ERO1B: variants seen among roughly 807,000 people sequenced by gnomAD.
ERO1B encodes ERO1-like protein beta.
A neutral mutation model predicts 75.3 loss-of-function variants in ERO1B; 49 were observed. The observed-to-expected ratio is 0.65, with a 90% CI of 0.52 to 0.83. The LOEUF is 0.83. Among genes scored for constraint, ERO1B ranks in the 40% least tolerant of loss-of-function variants. The pLI, the probability that ERO1B is intolerant of heterozygous loss-of-function variation, is 0.00. For synonymous variants in ERO1B, 191 were observed against 192.9 expected (o/e 0.99, Z 0.08); for missense variants, 512 against 560.1 (o/e 0.91, Z 0.87).
intron 2 of ERO1B, among the ~76,000 whole-genome samples, chr1:236,263,525 A>G (rs1202874133): frequency 6.6e-6 from 1 of 152,136 alleles, no homozygotes; most frequent in Non-Finnish European, 1.5e-5. Context: ...CTTGGATTAC[A>G]GGTGTGATCC....
chr1:236,220,614 C>A lies in ERO1B; in HGVS notation c.1343+218G>T, dbSNP rs150956082. 163 of 337,092 alleles carry A rather than the reference C, an allele frequency of 4.8e-4. 1 individual carries two copies. Among genetic ancestry groups the A allele is most frequent in the African/African-American group, 3.2e-3 (152 of 47,276 alleles). The allele number at this position is 337,092 out of a possible 1,614,324, so 20.9% of individuals were successfully genotyped here. ...TATCTCCCTTACAAAATTAAGGCAGCAAACTGAAAAACACTGGCAATTGGA... is the reference window on the plus strand; with the variant it reads ...TATCTCCCTTACAAAATTAAGGCAGAAAACTGAAAAACACTGGCAATTGGA... On this transcript the variant is annotated intron_variant, in intron 15 of 15. Transcript: ENST00000354619.
In ERO1B at chr1:236,281,778, G is replaced by T. The variant is rs1418189898; in HGVS notation, c.6C>A (p.Ser2Arg). 6.6e-7 allele frequency: 1 copy of T among 1,507,716 alleles called. No individual in the cohort carries two copies. Among genetic ancestry groups the T allele is most frequent in the Non-Finnish European group, 8.8e-7 (1 of 1,130,484 alleles). The allele number at this position is 1,507,716 out of a possible 1,614,324, so 93.4% of individuals were successfully genotyped here. A position where few individuals can be genotyped will look rare whatever the true frequency, so the allele number is the denominator to read the frequency against. Residue 2 changes from serine (S) to arginine (R), a missense_variant, in exon 1 of 16, where the codon AGC becomes AGA. Ser to Arg is a moderately radical substitution (Grantham distance 110). Coordinates refer to ENST00000354619, the MANE Select transcript of ERO1B (RefSeq NM_019891.4). M[S>R]QGVRRAGAGQ... ...CAGCGCCTGCCCGGCGGACCCCTTG[G>T]CTCATGCTGACCTCTACCCACACCG...
At chr1:236,249,815 C>CA (rs1396313116) in intron 5 of ERO1B, 70 bp downstream of exon 5, 1 of 1,214,726 alleles carries the variant, frequency 8.2e-7, no homozygotes, top group African/African-American at 1.6e-5. Context: ...AATGTTTTAC[C>CA]AAAATCATAA....
At chr1:236,257,648 G>A (rs1665189960) in intron 2 of ERO1B, among the ~76,000 whole-genome samples, 1 of 151,372 alleles carries the variant, frequency 6.6e-6, no homozygotes, top group African/African-American at 2.4e-5. Context: ...ACATTTAGAA[G>A]GAGTCATAAA....
chr1:236,218,669 C>A, intron 15 of ERO1B, 93 bp from the exon 16 acceptor site: 1 of 1,091,120 alleles, frequency 9.2e-7, no homozygotes, highest in Non-Finnish European at 1.2e-6. Flanking sequence ...AATTTGAAAG[C>A]AAAACCTAAA....
At chr1:236,243,643 G>T in intron 5 of ERO1B, 148 bp from the exon 6 acceptor site, 1 of 482,326 alleles carries the variant, frequency 2.1e-6, no homozygotes, top group Non-Finnish European at 3.6e-6. Context: ...TTACATGAAG[G>T]GATGACAAAA....
At chr1:236,252,256 A>C (rs1665048074) in intron 3 of ERO1B, among the ~76,000 whole-genome samples, 165 bp from the exon 4 acceptor site, 1 of 152,174 alleles carries the variant, frequency 6.6e-6, no homozygotes, top group Non-Finnish European at 1.5e-5. Flanking sequence ...TCATAAAGTA[A>C]AAGTGTTATC....
At position 236,240,214 on chromosome 1, in the gene ERO1B, C is replaced by A. The variant is rs539934706; in HGVS notation, c.505+3208G>T. On this transcript the variant is annotated intron_variant, in intron 6 of 15. Transcript: ENST00000354619. ...GCCACCGTGCCTGGCCTTAAGTATA[C>A]GATTTTTTTCTAACTGAATTTCCTT... 2.6e-5 allele frequency among the ~76,000 whole-genome samples: 4 copies of A among 151,920 alleles called. No homozygotes were observed. In the East Asian group the frequency reaches 7.8e-4, roughly 29 times the overall value.
chr1:236,227,031 C>G (rs184362420), intron 10 of ERO1B, among the ~76,000 whole-genome samples: 28 of 152,278 alleles, frequency 1.8e-4, no homozygotes, highest in Non-Finnish European at 3.8e-4. Context: ...CCATGTTAGA[C>G]AGCAACAGCA....
chr1:236,237,253 G>A (rs1664568401), intron 6 of ERO1B, among the ~76,000 whole-genome samples: 1 of 151,036 alleles, frequency 6.6e-6, no homozygotes, highest in African/African-American at 2.4e-5. Context: ...CCAAGTAGCT[G>A]GTACTACAGG....
chr1:236,235,901 C>T, intron 7 of ERO1B, 66 bp from the exon 8 acceptor site: 1 of 1,393,462 alleles, frequency 7.2e-7, no homozygotes, highest in Non-Finnish European at 9.9e-7. Context: ...AATTTTATTC[C>T]AATAGAAACA....
At chr1:236,239,909 A>ATTTTT (rs1345692165) in intron 6 of ERO1B, among the ~76,000 whole-genome samples, 1 of 106,962 alleles carries the variant, frequency 9.3e-6, no homozygotes, top group African/African-American at 3.5e-5. Flanking sequence ...ATATATATAT[A>ATTTTT]TATTTTTTTT....
intron 2 of ERO1B, among the ~76,000 whole-genome samples, chr1:236,262,858 C>T (rs1749581): frequency 0.25 from 37,884 of 152,058 alleles, 4,901 homozygotes; most frequent in East Asian, 0.38. Context: ...TGTGGAAATG[C>T]TGCAGGTAGA....
At chr1:236,256,543 C>T (rs1665165120) in intron 2 of ERO1B, among the ~76,000 whole-genome samples, 1 of 152,166 alleles carries the variant, frequency 6.6e-6, no homozygotes, top group Non-Finnish European at 1.5e-5. Flanking sequence ...GGGGGGACCT[C>T]CCCATTCCTG....
chr1:236,226,829 G>T (rs1257452051), intron 10 of ERO1B, 90 bp from the exon 11 acceptor site: 5 of 865,992 alleles, frequency 5.8e-6, no homozygotes, highest in Admixed American at 2.4e-5. Context: ...GCTTATTTTT[G>T]ATTGAAGAAC....
chr1:236,225,304 T>C (rs1027171210), intron 12 of ERO1B, among the ~76,000 whole-genome samples, 165 bp from the exon 13 acceptor site: 11 of 152,220 alleles, frequency 7.2e-5, no homozygotes, highest in Admixed American at 3.3e-4. Context: ...ACACATAAAC[T>C]ATTTCATAAA....
chr1:236,243,413 T>C lies in ERO1B; in HGVS notation c.505+9A>G, dbSNP rs1282075477. 1.3e-6 allele frequency: 2 copies of C among 1,540,162 alleles called. No homozygotes were observed. The highest frequency in any genetic ancestry group is 1.8e-5 in the Admixed American group (1 of 56,302). On this transcript the variant is annotated intron_variant, in intron 6 of 15. Transcript: ENST00000354619. ...AAAATAATTTAATTATAATAGTTTA[T>C]TGTATTACCATCAAGTTCACAAAAG... is the stretch of plus-strand genomic sequence containing the variant.
Position 236,230,099 on chromosome 1 carries a change from AT to A in ERO1B, c.712+124del, listed in dbSNP as rs200114830. On this transcript the variant is annotated intron_variant, in intron 10 of 15. Transcript: ENST00000354619. ...ATCCCCATATGTTAACCTAAAACAC[AT>A]TTTTTTTTTCAAACTGTCAAAATTA... is the stretch of plus-strand genomic sequence containing the variant. 9.4e-3 allele frequency: 6,647 copies of A among 706,034 alleles called. 98 individuals carry two copies. Among genetic ancestry groups the A allele is most frequent in the African/African-American group, 0.06 (3,181 of 52,882 alleles). The allele number at this position is 706,034 out of a possible 1,614,324, so 43.7% of individuals were successfully genotyped here.
intron 1 of ERO1B, among the ~76,000 whole-genome samples, chr1:236,274,894 A>C (rs988671979): frequency 6.6e-6 from 1 of 152,234 alleles, no homozygotes; most frequent in African/African-American, 2.4e-5. Flanking sequence ...AGACTGCAGA[A>C]CTGGGGCTGC....
Sources: allele counts gnomAD v4.1 joint callset (sites outside exome capture counted in the v4.1 genomes callset), GRCh38; gene constraint gnomAD v4.1.1; transcripts MANE v1.5; gene names NCBI Gene and HGNC (gene_info 2026-07-23, HGNC 2026-07-21).